The following FHIT variants were observed in gnomAD, a reference collection of about 807,000 sequenced individuals.
FHIT encodes bis(5'-adenosyl)-triphosphatase.
Under a neutral mutation model 17.9 loss-of-function variants are expected in FHIT, and 19 were observed. That is an observed-to-expected ratio of 1.06 (90% CI 0.74 to 1.56). The LOEUF (loss-of-function observed/expected upper bound fraction) is 1.56, where lower values mean the gene tolerates loss of function less well. Among genes scored for constraint, FHIT ranks in the 40% most tolerant of loss-of-function variants. The pLI, the probability that FHIT is intolerant of heterozygous loss-of-function variation, is 0.00. For synonymous variants in FHIT, 81 were observed against 69.7 expected, an observed-to-expected ratio of 1.16 and a Z score of -0.81; for missense variants, 248 against 189.2, an observed-to-expected ratio of 1.31 and a Z score of -1.82.
chr3:60,373,985 AT>A (rs1385749731), intron 5 of FHIT, among the ~76,000 whole-genome samples: 1 of 152,194 alleles, frequency 6.6e-6, no homozygotes, highest in African/African-American at 2.4e-5. Flanking sequence ...TATGTGGTGA[AT>A]CTGGTTATTG....
chr3:60,990,003 G>C (rs2030038951), intron 3 of FHIT, among the ~76,000 whole-genome samples: 1 of 152,076 alleles, frequency 6.6e-6, no homozygotes, highest in South Asian at 2.1e-4. Flanking sequence ...ACCACTCCTA[G>C]CCTCAACTGC....
At chr3:60,361,412 T>A (rs1282504345) in intron 5 of FHIT, among the ~76,000 whole-genome samples, 1 of 152,118 alleles carries the variant, frequency 6.6e-6, no homozygotes, top group African/African-American at 2.4e-5. Context: ...ATCCTGTGTT[T>A]TATAAGTAAA....
chr3:60,183,914 T>C (rs898852038), intron 5 of FHIT, among the ~76,000 whole-genome samples: 3 of 152,136 alleles, frequency 2.0e-5, no homozygotes, highest in Non-Finnish European at 4.4e-5. Flanking sequence ...TTTCCACTAT[T>C]ATTAGCAACT....
rs549928914 is a variant in FHIT, at chr3:61,076,353, G to A, written c.-163-34254C>T. On this transcript the variant is annotated intron_variant, in intron 2 of 9. Transcript: ENST00000492590. ...GTCTTTCATAATAGCTTAGGTCAGGGTGTGAAAGACAGAGCTATAAGGGCT... is the reference window on the plus strand; with the variant it reads ...GTCTTTCATAATAGCTTAGGTCAGGATGTGAAAGACAGAGCTATAAGGGCT... 7.2e-5 allele frequency among the ~76,000 whole-genome samples: 11 copies of A among 152,264 alleles called. No individual in the cohort carries two copies. In the South Asian group the frequency reaches 2.1e-3, roughly 29 times the overall value.
At chr3:60,967,818 T>C (rs979370149) in intron 3 of FHIT, among the ~76,000 whole-genome samples, 1 of 152,194 alleles carries the variant, frequency 6.6e-6, no homozygotes, top group African/African-American at 2.4e-5. Context: ...ATGATCAGAC[T>C]GGCCCACGGT....
chr3:59,996,958 C>G (rs1179222306), intron 7 of FHIT, among the ~76,000 whole-genome samples: 1 of 152,108 alleles, frequency 6.6e-6, no homozygotes, highest in African/African-American at 2.4e-5. Context: ...AAACAAGATC[C>G]TTCTGACCAT....
chr3:60,125,889 A>G (rs1045752578), intron 5 of FHIT, among the ~76,000 whole-genome samples: 6 of 152,174 alleles, frequency 3.9e-5, no homozygotes, highest in African/African-American at 1.4e-4. Context: ...TTATTCATTC[A>G]GAACAGTTTA....
rs954945373 is a variant in FHIT at position 60,506,362 on chromosome 3, G to T, written c.103+30498C>A. 2.0e-5 allele frequency among the ~76,000 whole-genome samples: 3 copies of T among 152,108 alleles called. No homozygotes were observed. In the East Asian group the frequency reaches 5.8e-4, roughly 29 times the overall value. On this transcript the variant is annotated intron_variant, in intron 5 of 9. Transcript: ENST00000492590. ...CAACTCCTGAACACTGGTGCCTTTG[G>T]AGAAATTATTTATCATATATTATCT...
At chr3:60,822,682 A>T (rs1001505286) in intron 3 of FHIT, among the ~76,000 whole-genome samples, 1 of 151,164 alleles carries the variant, frequency 6.6e-6, no homozygotes, top group African/African-American at 2.4e-5. Flanking sequence ...TATGAAGAGG[A>T]TTTTTTTTTT....
intron 5 of FHIT, among the ~76,000 whole-genome samples, chr3:60,472,394 A>C (rs943140921): frequency 1.3e-5 from 2 of 148,542 alleles, no homozygotes; most frequent in African/African-American, 5.0e-5. Context: ...TTTGAGACGA[A>C]GTCTTGCTTT....
At chr3:60,593,976 A>G (rs1182517267) in intron 4 of FHIT, among the ~76,000 whole-genome samples, 4 of 152,130 alleles carry the variant, frequency 2.6e-5, no homozygotes, top group Admixed American at 1.3e-4. Context: ...CCAATGCTCT[A>G]TCGACTTCTC....
chr3:60,511,320 A>G (rs2034942470), intron 5 of FHIT, among the ~76,000 whole-genome samples: 1 of 152,198 alleles, frequency 6.6e-6, no homozygotes, highest in Non-Finnish European at 1.5e-5. Context: ...GTACTGAGCT[A>G]TACAGAAATG....
intron 5 of FHIT, among the ~76,000 whole-genome samples, chr3:60,032,441 G>A (rs1451441142): frequency 7.2e-6 from 1 of 138,980 alleles, no homozygotes; most frequent in Non-Finnish European, 1.6e-5. Context: ...GAAGGAGCAA[G>A]ACCGTACCTT....
At chr3:59,968,904 T>C (rs1402250257) in intron 7 of FHIT, among the ~76,000 whole-genome samples, 2 of 152,170 alleles carry the variant, frequency 1.3e-5, no homozygotes, top group Admixed American at 6.6e-5. Flanking sequence ...CCTGTGGCAG[T>C]GCAGGAAAGA....
intron 5 of FHIT, among the ~76,000 whole-genome samples, chr3:60,511,776 G>C (rs1345045328): frequency 6.6e-6 from 1 of 152,112 alleles, no homozygotes; most frequent in Non-Finnish European, 1.5e-5. Flanking sequence ...ATCTGAAGCA[G>C]GGAAAGTATG....
intron 8 of FHIT, among the ~76,000 whole-genome samples, chr3:59,819,582 G>A (rs146291041): frequency 1.9e-4 from 29 of 152,272 alleles, no homozygotes; most frequent in Non-Finnish European, 3.1e-4. Flanking sequence ...GGAGGTAGCC[G>A]TATTAGCAGA....
At chr3:60,923,395 C>T (rs1369718424) in intron 3 of FHIT, among the ~76,000 whole-genome samples, 4 of 152,160 alleles carry the variant, frequency 2.6e-5, no homozygotes, top group Non-Finnish European at 4.4e-5. Context: ...AAACACTATT[C>T]ATTCACAGGG....
chr3:61,212,520 G>A (rs531178969), intron 1 of FHIT, among the ~76,000 whole-genome samples: 48 of 152,322 alleles, frequency 3.2e-4, no homozygotes, highest in African/African-American at 8.2e-4. Flanking sequence ...CCAAATCTAC[G>A]TCTGATTGGT....
At position 60,409,325 on chromosome 3, in the gene FHIT, G is replaced by T. The variant is rs1701983742; in HGVS notation, c.103+127535C>A. Among the ~76,000 whole-genome samples the T allele has an allele frequency of 2.6e-5, 4 of 152,090 alleles. No homozygotes were observed. The South Asian group carries it at 8.3e-4, about 32-fold the overall frequency. On this transcript the variant is annotated intron_variant, in intron 5 of 9. Transcript: ENST00000492590. ...ATCATAACCCTTTGTTTAGAGAGAA[G>T]AAAGAAAAGGTCTAAAGACTATTTA...
Sources: allele counts gnomAD v4.1 joint callset (sites outside exome capture counted in the v4.1 genomes callset), GRCh38; gene constraint gnomAD v4.1.1; transcripts MANE v1.5; gene names NCBI Gene and HGNC (gene_info 2026-07-23, HGNC 2026-07-21).